TP53BP1: variants seen among roughly 807,000 people sequenced by gnomAD.
TP53BP1 encodes TP53-binding protein 1.
Under a neutral mutation model 200.8 loss-of-function variants are expected in TP53BP1, and 61 were observed. That is an observed-to-expected ratio of 0.30 (90% CI 0.25 to 0.38). The LOEUF is 0.38. TP53BP1 is among the 10% of genes least tolerant of loss of function. TP53BP1 has a pLI of 1.00. For synonymous variants in TP53BP1, 822 were observed against 844.3 expected, an observed-to-expected ratio of 0.97 and a Z score of 0.46; for missense variants, 2,144 against 2,371.9, an observed-to-expected ratio of 0.90 and a Z score of 2.00.
intron 11 of TP53BP1, among the ~76,000 whole-genome samples, chr15:43,468,615 T>G (rs2046646066): frequency 6.6e-6 from 1 of 151,684 alleles, no homozygotes; most frequent in Admixed American, 6.5e-5. Context: ...CTAGGTAACC[T>G]TGTTTTTAAC....
chr15:43,446,562 T>C lies in TP53BP1; in HGVS notation c.2865A>G (p.Ile955Met), dbSNP rs1470500841. 1 of 1,614,086 alleles carries C rather than the reference T, an allele frequency of 6.2e-7. No homozygotes were observed. Among genetic ancestry groups the C allele is most frequent in the Non-Finnish European group, 8.5e-7 (1 of 1,179,984 alleles). Residue 955 changes from isoleucine (I) to methionine (M), a missense_variant, in exon 14 of 28, where the codon ATA becomes ATG. Ile to Met is a conservative substitution (Grantham distance 10, BLOSUM62 1). Around this residue, in one of 4 missense-constraint regions of TP53BP1, gnomAD observed 1,700 missense variants for 1,710.3 expected, o/e 0.99. Transcript: ENST00000382044. ...IGISNYPEST[I>M]ATSDVMSESM... ...TTTCAGACATGACATCACTGGTTGC[T>C]ATGGTGCTTTCTGGATAGTTGCTAA...
chr15:43,475,434 T>A (rs2078865950), intron 9 of TP53BP1, 131 bp downstream of exon 9: 1 of 1,055,384 alleles, frequency 9.5e-7, no homozygotes, highest in Non-Finnish European at 1.4e-6. Flanking sequence ...CCCAAAGCTC[T>A]AATGCATAGG....
intron 24 of TP53BP1, among the ~76,000 whole-genome samples, chr15:43,411,927 G>T (rs1338556819): frequency 1.3e-5 from 2 of 150,414 alleles, no homozygotes; most frequent in Non-Finnish European, 3.0e-5. Context: ...GTAAAAGGGG[G>T]AAAAAAAAAC....
chr15:43,450,110 G>C (rs555253035), intron 12 of TP53BP1, among the ~76,000 whole-genome samples: 1 of 152,170 alleles, frequency 6.6e-6, no homozygotes, highest in African/African-American at 2.4e-5. Context: ...TCATGTTGTA[G>C]GTCAGCATAC....
At chr15:43,479,221 A>C (rs546055366) in intron 7 of TP53BP1, among the ~76,000 whole-genome samples, 176 bp downstream of exon 7, 4 of 152,316 alleles carry the variant, frequency 2.6e-5, no homozygotes, top group African/African-American at 9.6e-5. Flanking sequence ...CAGACAAAAA[A>C]CAATTCTTGA....
At chr15:43,457,913 A>G (rs1260273607) in intron 11 of TP53BP1, among the ~76,000 whole-genome samples, 1 of 151,216 alleles carries the variant, frequency 6.6e-6, no homozygotes, top group African/African-American at 2.4e-5. Flanking sequence ...CAGCTACTCA[A>G]GAAACTGAGG....
intron 11 of TP53BP1, among the ~76,000 whole-genome samples, chr15:43,466,148 T>C (rs2046575105): frequency 6.6e-6 from 1 of 152,156 alleles, no homozygotes; most frequent in Non-Finnish European, 1.5e-5. Flanking sequence ...CAAGAAGATA[T>C]GAAACCCAAG....
intron 14 of TP53BP1, among the ~76,000 whole-genome samples, chr15:43,443,136 T>C (rs1392825222): frequency 1.3e-5 from 2 of 152,004 alleles, no homozygotes; most frequent in East Asian, 3.9e-4. Context: ...AGCAGTAACA[T>C]TCTTAAATGA....
intron 10 of TP53BP1, among the ~76,000 whole-genome samples, chr15:43,471,177 C>G: frequency 6.6e-6 from 1 of 151,200 alleles, no homozygotes; most frequent in Non-Finnish European, 1.5e-5. Flanking sequence ...ACATATTAAG[C>G]AAATGCATTA....
intron 23 of TP53BP1, among the ~76,000 whole-genome samples, 162 bp from the exon 24 acceptor site, chr15:43,413,496 A>G (rs956213834): frequency 1.3e-5 from 2 of 152,222 alleles, no homozygotes; most frequent in African/African-American, 4.8e-5. Flanking sequence ...ATGGCCAACC[A>G]TTCTAAATGG....
intron 22 of TP53BP1, 121 bp from the exon 23 acceptor site, chr15:43,415,930 C>T (rs933675315): frequency 2.7e-5 from 23 of 842,964 alleles, no homozygotes; most frequent in Middle Eastern, 2.6e-4. Context: ...TCCCATGAGG[C>T]CAAGAAGCTT....
intron 1 of TP53BP1, among the ~76,000 whole-genome samples, chr15:43,510,124 C>A (rs2079264009): frequency 1.4e-5 from 2 of 138,284 alleles, no homozygotes; most frequent in African/African-American, 5.5e-5. Flanking sequence ...ACTGTCAACC[C>A]CTTCTTTGGT....
chr15:43,418,180 T>TAAA (rs757250428), intron 21 of TP53BP1, among the ~76,000 whole-genome samples: 10 of 100,334 alleles, frequency 1.0e-4, no homozygotes, highest in African/African-American at 3.6e-4. Flanking sequence ...GCTCTGTTTT[T>TAAA]AAAAAAAAAA....
At chr15:43,489,723 T>A (rs939449327) in intron 4 of TP53BP1, among the ~76,000 whole-genome samples, 1 of 152,322 alleles carries the variant, frequency 6.6e-6, no homozygotes, top group South Asian at 2.1e-4. Flanking sequence ...AATTTCCCCA[T>A]TCTAAAATTC....
chr15:43,493,192 C>T, upstream of TP53BP1: 1 of 1,465,812 alleles, frequency 6.8e-7, no homozygotes, highest in Non-Finnish European at 9.0e-7. Flanking sequence ...ATCGGATCGT[C>T]CATTCGCTGC....
rs769195968 is a variant in TP53BP1 at position 43,413,282 on chromosome 15, G to A, written c.5142C>T (p.Thr1714=). 35 of 1,614,002 alleles carry A rather than the reference G, an allele frequency of 2.2e-5. No individual in the cohort carries two copies. The highest frequency in any genetic ancestry group is 2.5e-5 in the Non-Finnish European group (30 of 1,180,028). The change falls in exon 24 of 28, where the codon ACC becomes ACT. Residue 1714 remains threonine, a synonymous_variant. Transcript: ENST00000382044. ...FVSPCESGDN[T]GEPSALEEQR... ...GCTCTTCCAGGGCAGAGGGTTCACC[G>A]GTGTTGTCTCCACTCTCACAGGGGC...
At chr15:43,465,374 A>C (rs1220472783) in intron 11 of TP53BP1, among the ~76,000 whole-genome samples, 1 of 152,046 alleles carries the variant, frequency 6.6e-6, no homozygotes, top group Non-Finnish European at 1.5e-5. Flanking sequence ...AAATGGGTAA[A>C]CTGAATGGTA....
intron 18 of TP53BP1, 85 bp from the exon 19 acceptor site, chr15:43,422,211 C>A (rs1204793793): frequency 2.8e-6 from 4 of 1,427,992 alleles, no homozygotes. Context: ...CTACAGATGG[C>A]ACAAAATTAT....
At chr15:43,475,356 G>A (rs980967095) in intron 9 of TP53BP1, among the ~76,000 whole-genome samples, 4 of 152,260 alleles carry the variant, frequency 2.6e-5, no homozygotes, top group South Asian at 4.1e-4. Flanking sequence ...TTAGTGAAAC[G>A]TTTGGGCTAC....
Sources: allele counts gnomAD v4.1 joint callset (sites outside exome capture counted in the v4.1 genomes callset), GRCh38; gene constraint gnomAD v4.1.1; regional missense constraint gnomAD v4.1.1; transcripts MANE v1.5; gene names NCBI Gene and HGNC (gene_info 2026-07-23, HGNC 2026-07-21).